Variants in KCTD9 observed in about 807,000 individuals in gnomAD.
KCTD9 encodes the protein potassium channel tetramerization domain containing 9, also known as BTB/POZ domain-containing protein KCTD9.
Under a neutral mutation model 53.3 loss-of-function variants are expected in KCTD9, and 17 were observed. The ratio of observed to expected loss-of-function variants is 0.32; its 90% CI spans 0.22 to 0.48. KCTD9 has a LOEUF of 0.48. Ranked by LOEUF, KCTD9 falls within the 20% of genes least tolerant of loss-of-function variation. The pLI is 0.99. For synonymous variants in KCTD9, 128 were observed against 162.7 expected (o/e 0.79, Z 1.62); for missense variants, 179 against 465.5 (o/e 0.38, Z 5.66).
At chr8:25,433,642 CTG>C (rs1032583646) in intron 9 of KCTD9, among the ~76,000 whole-genome samples, 6 of 152,120 alleles carry the variant, frequency 3.9e-5, no homozygotes, top group East Asian at 1.9e-4. Context: ...TTTTAAAGAA[CTG>C]TTTTTTAAAA....
chr8:25,457,443 T>C (rs918369598), intron 1 of KCTD9: 1 of 898,924 alleles, frequency 1.1e-6, no homozygotes, highest in Non-Finnish European at 1.3e-6. Context: ...GAATTCGTTT[T>C]GGCTTGCTCC....
intron 11 of KCTD9, among the ~76,000 whole-genome samples, chr8:25,430,895 T>TATTGGCTCACTGCAAC (rs1282515378): frequency 1.3e-5 from 2 of 151,866 alleles, no homozygotes; most frequent in African/African-American, 4.8e-5. Context: ...TGGAGTGCAA[T>TATTGGCTCACTGCAAC]CTCGGCTCAC....
chr8:25,447,914 C>T (rs1320986934), intron 1 of KCTD9, among the ~76,000 whole-genome samples: 1 of 152,060 alleles, frequency 6.6e-6, no homozygotes, highest in Non-Finnish European at 1.5e-5. Flanking sequence ...ATCGCTTGAG[C>T]CCAGGAGTTC....
chr8:25,447,514 T>A (rs2117427345), intron 1 of KCTD9, among the ~76,000 whole-genome samples: 1 of 152,298 alleles, frequency 6.6e-6, no homozygotes, highest in Non-Finnish European at 1.5e-5. Context: ...TGGTCCTCTG[T>A]CCACCAGTGA....
In KCTD9 at chr8:25,428,081, C is replaced by A. The variant is rs2321050; in HGVS notation, c.*1776G>T. On this transcript the variant is annotated 3_prime_UTR_variant, in exon 12 of 12. Coordinates refer to ENST00000221200, the MANE Select transcript of KCTD9 (RefSeq NM_017634.4). ...CAGTATACATTAGATCTAAAATCTG[C>A]AGTTTCTAAGCACACCATGTTTAGA... The A allele has an allele frequency of 6.6e-6, 1 of 152,554 alleles. No homozygotes were observed. The highest frequency in any genetic ancestry group is 1.5e-5 in the Non-Finnish European group (1 of 68,014). The allele number at this position is 152,554 out of a possible 1,614,324, so 9.5% of individuals were successfully genotyped here.
chr8:25,438,619 AC>A (rs2117403025), intron 6 of KCTD9, among the ~76,000 whole-genome samples: 1 of 152,358 alleles, frequency 6.6e-6, no homozygotes, highest in Non-Finnish European at 1.5e-5. Flanking sequence ...TTCCTCAAGT[AC>A]TAACATCACA....
chr8:25,458,243 T>C lies in KCTD9; in HGVS notation c.4A>G (p.Arg2Gly). 6.6e-7 allele frequency: 1 copy of C among 1,522,812 alleles called. No individual in the cohort carries two copies. The highest frequency in any genetic ancestry group is 8.9e-7 in the Non-Finnish European group (1 of 1,129,802). 94.3% of individuals were successfully genotyped at this position (1,522,812 alleles called of 1,614,324 possible). ...CCGTTCAGGAACAGGGTCACCCGCC[T>C]CATCGCGCTGCCCCCGCTGGGTCCT... M[R>G]RVTLFLNGSP... The change falls in exon 1 of 12, where the codon AGG becomes GGG. Residue 2 changes from arginine (R) to glycine (G), a missense_variant. Physicochemically the swap from Arg to Gly is moderately radical, Grantham distance 125. This residue lies in a region of KCTD9 where 115 missense variants were observed against 250.9 expected (regional missense o/e 0.46). Transcript: ENST00000221200.
At chr8:25,434,176 T>C (rs548360318) in intron 9 of KCTD9, among the ~76,000 whole-genome samples, 69 of 152,220 alleles carry the variant, frequency 4.5e-4, no homozygotes, top group Non-Finnish European at 8.4e-4. Context: ...CTCAGCTCAC[T>C]GCAATCTCTG....
chr8:25,440,769 T>C (rs1802107330), intron 3 of KCTD9, 96 bp from the exon 4 acceptor site: 2 of 812,466 alleles, frequency 2.5e-6, no homozygotes, highest in Admixed American at 2.0e-5. Context: ...ACACACATAA[T>C]AAAAGCATAC....
intron 1 of KCTD9, among the ~76,000 whole-genome samples, chr8:25,454,216 C>G (rs1802386005): frequency 6.6e-6 from 1 of 152,134 alleles, no homozygotes; most frequent in Non-Finnish European, 1.5e-5. Flanking sequence ...ATACCAAAAC[C>G]TGAAGAAAAG....
At position 25,428,596 on chromosome 8, in the gene KCTD9, G is replaced by A. The variant is rs1362293413; in HGVS notation, c.*1261C>T. On this transcript the variant is annotated 3_prime_UTR_variant, in exon 12 of 12. Transcript: ENST00000221200. ...CCAAGTCATTGGTAGGGAGGTACAGGCCCTTCCTCTGCTGCTGCAGAGAGA... is the reference window on the plus strand; with the variant it reads ...CCAAGTCATTGGTAGGGAGGTACAGACCCTTCCTCTGCTGCTGCAGAGAGA... 2.6e-5 allele frequency: 4 copies of A among 152,202 alleles called. No homozygotes were observed. Among genetic ancestry groups the A allele is most frequent in the Non-Finnish European group, 4.4e-5 (3 of 67,964 alleles). The allele number at this position is 152,202 out of a possible 1,614,324, so 9.4% of individuals were successfully genotyped here.
intron 11 of KCTD9, among the ~76,000 whole-genome samples, chr8:25,431,619 G>GA (rs1801932461): frequency 6.6e-6 from 1 of 151,720 alleles, no homozygotes; most frequent in African/African-American, 2.4e-5. Context: ...TAAAACCAAG[G>GA]AAAAAAATAT....
chr8:25,442,003 C>CA (rs1423780214), intron 3 of KCTD9, among the ~76,000 whole-genome samples: 1 of 150,556 alleles, frequency 6.6e-6, no homozygotes, highest in Non-Finnish European at 1.5e-5. Flanking sequence ...GGCCCTGTCT[C>CA]AAAAAAATAA....
At position 25,456,868 on chromosome 8, in the gene KCTD9, A is replaced by G. The variant is rs1802446571; in HGVS notation, c.48+1331T>C. The stretch of plus-strand genomic sequence containing the variant: ...AGATACTGCATTAAAAAGGTCAACC[A>G]GAAGTTTGTTTTTGAGAAATATTAC... On this transcript the variant is annotated intron_variant, in intron 1 of 11. Transcript: ENST00000221200. Among the ~76,000 whole-genome samples, 4 of 152,260 alleles carry G rather than the reference A, an allele frequency of 2.6e-5. No homozygotes were observed. In the South Asian group the frequency reaches 8.3e-4, roughly 31 times the overall value.
chr8:25,446,824 C>T (rs946167897), intron 1 of KCTD9, among the ~76,000 whole-genome samples: 7 of 152,122 alleles, frequency 4.6e-5, no homozygotes, highest in African/African-American at 1.7e-4. Flanking sequence ...AACTTCTCAC[C>T]TCATTTATTT....
intron 4 of KCTD9, 158 bp from the exon 5 acceptor site, chr8:25,439,822 C>T: frequency 6.9e-7 from 1 of 1,443,068 alleles, no homozygotes; most frequent in East Asian, 2.5e-5. Flanking sequence ...AGTAAGTTGC[C>T]ATTTATCAGA....
rs1442167473 is a variant in KCTD9 at position 25,428,880 on chromosome 8, T to G, written c.*977A>C. 1 of 152,166 alleles carries G rather than the reference T, an allele frequency of 6.6e-6. No homozygotes were observed. The highest frequency in any genetic ancestry group is 1.5e-5 in the Non-Finnish European group (1 of 68,018). The allele number at this position is 152,166 out of a possible 1,614,324, so 9.4% of individuals were successfully genotyped here. A position where few individuals can be genotyped will look rare whatever the true frequency, so the allele number is the denominator to read the frequency against. On this transcript the variant is annotated 3_prime_UTR_variant, in exon 12 of 12. Coordinates refer to ENST00000221200, the MANE Select transcript of KCTD9 (RefSeq NM_017634.4). ...TCTACCATATTCACTCATATAAGCT[T>G]TGATTGCAGTAGCTCTGGATTTAGT... is the stretch of plus-strand genomic sequence containing the variant.
At chr8:25,436,553 C>T (rs1331449388) in intron 6 of KCTD9, 68 bp from the exon 7 acceptor site, 2 of 929,442 alleles carry the variant, frequency 2.2e-6, no homozygotes, top group Admixed American at 2.9e-5. Flanking sequence ...TTTGAATTTA[C>T]TAAAATACGA....
chr8:25,432,559 G>C lies in KCTD9; in HGVS notation c.998C>G (p.Ala333Gly). 1 of 1,613,374 alleles carries C rather than the reference G, an allele frequency of 6.2e-7. No individual in the cohort carries two copies. The highest frequency in any genetic ancestry group is 8.5e-7 in the Non-Finnish European group (1 of 1,179,754). Residue 333 changes from alanine to glycine, a missense_variant, in exon 11 of 12, where the codon GCA becomes GGA. By Grantham distance (60) the Ala-to-Gly change is moderately conservative (BLOSUM62 0). Transcript: ENST00000221200. ...INLRVATLKN[A>G]KLKNCNLRGA... The stretch of plus-strand genomic sequence containing the variant: ...TCTGAGGTTACAGTTCTTCAACTTT[G>C]CATTTTTTAAGGTAGCCACTCTCAG...
Sources: allele counts gnomAD v4.1 joint callset (sites outside exome capture counted in the v4.1 genomes callset), GRCh38; gene constraint gnomAD v4.1.1; regional missense constraint gnomAD v4.1.1; transcripts MANE v1.5; gene names NCBI Gene and HGNC (gene_info 2026-07-23, HGNC 2026-07-21).